Variants in FBXO24 observed in about 807,000 individuals in gnomAD.
FBXO24 encodes the protein F-box only protein 24.
A neutral mutation model predicts 63.5 loss-of-function variants in FBXO24; 30 were observed. The observed-to-expected ratio is 0.47, with a 90% confidence interval of 0.35 to 0.64. The LOEUF is 0.64. FBXO24 is among the 30% of genes least tolerant of loss of function. The pLI is 0.00. For missense variants in FBXO24, 624 were observed against 763.4 expected (o/e 0.82, Z 2.15); for synonymous variants, 300 against 305.0 (o/e 0.98, Z 0.17).
intron 3 of FBXO24, 88 bp downstream of exon 3, chr7:100,590,445 C>A: frequency 7.4e-7 from 1 of 1,359,902 alleles, no homozygotes; most frequent in Non-Finnish European, 1.0e-6. Flanking sequence ...GACCCCCACA[C>A]TCCCAACAGT....
intron 8 of FBXO24, among the ~76,000 whole-genome samples, chr7:100,598,473 C>T (rs1350593767): frequency 6.6e-6 from 1 of 152,000 alleles, no homozygotes; most frequent in Non-Finnish European, 1.5e-5. Flanking sequence ...GAGAGCATGT[C>T]AGTAATGTAA....
chr7:100,594,261 T>C lies in FBXO24; in HGVS notation c.794-122T>C. 1 of 1,113,330 alleles carries C rather than the reference T, an allele frequency of 9.0e-7. No individual in the cohort carries two copies. The highest frequency in any genetic ancestry group is 1.3e-6 in the Non-Finnish European group (1 of 794,962). 69.0% of individuals were successfully genotyped at this position (1,113,330 alleles called of 1,614,324 possible). A position where few individuals can be genotyped will look rare whatever the true frequency, so the allele number is the denominator to read the frequency against. ...GACTTGGGGTCACTCTTCCCTTATT[T>C]CTTTCTCAGCCCCACTCTAGGGCAG... On this transcript the variant is annotated intron_variant, in intron 5 of 9. Coordinates refer to ENST00000241071, the MANE Select transcript of FBXO24 (RefSeq NM_033506.3). This position sits in a 1 kb window ranked among gnomAD's most constrained non-coding sequence, Gnocchi z 4.2.
At position 100,600,419 on chromosome 7, in the gene FBXO24, G is replaced by A. The variant is rs867928450; in HGVS notation, c.1378-115G>A. On this transcript the variant is annotated intron_variant, in intron 9 of 9. Coordinates refer to ENST00000241071, the MANE Select transcript of FBXO24 (RefSeq NM_033506.3). This position sits in a 1 kb window ranked among gnomAD's most constrained non-coding sequence, Gnocchi z 6.3. The stretch of plus-strand genomic sequence containing the variant: ...CCTCACACACCCCTGGGACTTAGCC[G>A]GCTCAGGGCTGGTGTGAGAGGGAAG... 20 of 1,502,238 alleles carry A rather than the reference G, an allele frequency of 1.3e-5. No homozygotes were observed. The Admixed American group carries it at 2.5e-4, about 19-fold the overall frequency. The allele number at this position is 1,502,238 out of a possible 1,614,324, so 93.1% of individuals were successfully genotyped here.
chr7:100,600,624 C>G lies in FBXO24; in HGVS notation c.1468C>G (p.His490Asp), dbSNP rs758554677. 1.2e-6 allele frequency: 2 copies of G among 1,613,742 alleles called. No individual in the cohort carries two copies. Among genetic ancestry groups the G allele is most frequent in the Non-Finnish European group, 1.7e-6 (2 of 1,179,770 alleles). ...HDIEQHAPYR[H>D]LPASRVVGTP... is the part of the protein sequence containing the mutation. ...CATTGAGCAGCACGCCCCCTATCGC[C>G]ACCTGCCAGCCAGCAGGGTGGTGGG... is the stretch of plus-strand genomic sequence containing the variant. The change falls in exon 10 of 10, where the codon CAC becomes GAC. Residue 490 changes from histidine (H) to aspartate (D), a missense_variant. By Grantham distance (81) the His-to-Asp change is moderately conservative (BLOSUM62 -1). Transcript: ENST00000241071. The surrounding 1 kb of genome is among the most constrained non-coding windows in gnomAD (Gnocchi z 6.3).
chr7:100,598,150 G>C (rs1802403314), intron 8 of FBXO24, among the ~76,000 whole-genome samples: 1 of 152,088 alleles, frequency 6.6e-6, no homozygotes, highest in South Asian at 2.1e-4. Context: ...GCTGCAGTGA[G>C]CTGTGATCAC....
At chr7:100,595,910 G>A (rs764784906) in intron 8 of FBXO24, among the ~76,000 whole-genome samples, 27 of 152,190 alleles carry the variant, frequency 1.8e-4, no homozygotes, top group Non-Finnish European at 3.7e-4. Context: ...AGTGCACACT[G>A]TAAATGCAAT....
chr7:100,593,025 C>T lies in FBXO24; in HGVS notation c.793+8C>T, dbSNP rs1465511872. 1.2e-6 allele frequency: 2 copies of T among 1,611,220 alleles called. No homozygotes were observed. Among genetic ancestry groups the T allele is most frequent in the Non-Finnish European group, 8.5e-7 (1 of 1,177,682 alleles). On this transcript the variant is annotated splice_region_variant and intron_variant, in intron 5 of 9. Transcript: ENST00000241071. Reference sequence around the variant, plus strand: ...CTCTACTGCTCCTCACAGGTGTGGCCCAAAGCAATGGCTTTTGCAAACTGT... The same window carrying T: ...CTCTACTGCTCCTCACAGGTGTGGCTCAAAGCAATGGCTTTTGCAAACTGT...
chr7:100,595,263 G>A (rs369493377), intron 7 of FBXO24, 40 bp downstream of exon 7: 41 of 1,613,548 alleles, frequency 2.5e-5, no homozygotes, highest in African/African-American at 5.3e-5. Context: ...GAGGGGTGGC[G>A]CTGTAGGGAT....
At position 100,601,037 on chromosome 7, in the gene FBXO24, C is replaced by CA; in HGVS notation, c.*139dup. ...GACGGCTAACCAGGGTAAGAATGTT[C>CA]AGGGGGCTGCCCAGGAGGGGCCCCC... is the stretch of plus-strand genomic sequence containing the variant. On this transcript the variant is annotated 3_prime_UTR_variant, in exon 10 of 10. Transcript: ENST00000241071. 7.7e-7 allele frequency: 1 copy of CA among 1,300,512 alleles called. No individual in the cohort carries two copies. Among genetic ancestry groups the CA allele is most frequent in the Non-Finnish European group, 1.0e-6 (1 of 968,652 alleles). 80.6% of individuals were successfully genotyped at this position (1,300,512 alleles called of 1,614,324 possible). A position where few individuals can be genotyped will look rare whatever the true frequency, so the allele number is the denominator to read the frequency against.
chr7:100,594,535 G>A lies in FBXO24; in HGVS notation c.946G>A (p.Val316Ile), dbSNP rs140728414. Residue 316 changes from valine (V) to isoleucine (I), a missense_variant, in exon 6 of 10, where the codon GTC becomes ATC. Val to Ile is a conservative substitution (Grantham distance 29). Transcript: ENST00000241071. The surrounding 1 kb of genome is among the most constrained non-coding windows in gnomAD (Gnocchi z 4.2). ...MTSNQSSTLY[V>I]TDQGGVYFEV... ...TTCCAACCAGAGCAGCACCCTCTACGTCACAGGTATGGACCACCTCCCCCC... is the reference window on the plus strand; with the variant it reads ...TTCCAACCAGAGCAGCACCCTCTACATCACAGGTATGGACCACCTCCCCCC... 3.9e-5 allele frequency: 62 copies of A among 1,597,272 alleles called. No individual in the cohort carries two copies. The highest frequency in any genetic ancestry group is 1.8e-4 in the Middle Eastern group (1 of 5,504).
chr7:100,589,485 GCTGT>G (rs2131259739), intron 1 of FBXO24: 1 of 1,286,004 alleles, frequency 7.8e-7, no homozygotes, highest in Non-Finnish European at 9.9e-7. Context: ...GAACCCAGGA[GCTGT>G]CTAAGAGATG....
At chr7:100,593,807 A>G (rs955399113) in intron 5 of FBXO24, among the ~76,000 whole-genome samples, 1 of 151,390 alleles carries the variant, frequency 6.6e-6, no homozygotes, top group Non-Finnish European at 1.5e-5. Context: ...CAAAAAAAAA[A>G]AAAAAAAAAA....
Position 100,594,651 on chromosome 7 carries a change from A to C in FBXO24, c.952+110A>C, listed in dbSNP as rs552548673. 2.0e-4 allele frequency: 252 copies of C among 1,255,328 alleles called. No homozygotes were observed. Among genetic ancestry groups the C allele is most frequent in the Non-Finnish European group, 2.5e-4 (238 of 950,888 alleles). 77.8% of individuals were successfully genotyped at this position (1,255,328 alleles called of 1,614,324 possible). ...CATGGTGAACCCCTGAGGGCATCCTAGTGAAAAGATGTGTTTAGGGCCGGC... is the reference window on the plus strand; with the variant it reads ...CATGGTGAACCCCTGAGGGCATCCTCGTGAAAAGATGTGTTTAGGGCCGGC... On this transcript the variant is annotated intron_variant, in intron 6 of 9. Transcript: ENST00000241071. The surrounding 1 kb of genome is among the most constrained non-coding windows in gnomAD (Gnocchi z 4.2).
Position 100,594,258 on chromosome 7 carries a change from A to T in FBXO24, c.794-125A>T. 3 of 1,069,444 alleles carry T rather than the reference A, an allele frequency of 2.8e-6. No individual in the cohort carries two copies. The highest frequency in any genetic ancestry group is 4.0e-6 in the Non-Finnish European group (3 of 757,538). The allele number at this position is 1,069,444 out of a possible 1,614,324, so 66.2% of individuals were successfully genotyped here. A position where few individuals can be genotyped will look rare whatever the true frequency, so the allele number is the denominator to read the frequency against. On this transcript the variant is annotated intron_variant, in intron 5 of 9. Coordinates refer to ENST00000241071, the MANE Select transcript of FBXO24 (RefSeq NM_033506.3). This position sits in a 1 kb window ranked among gnomAD's most constrained non-coding sequence, Gnocchi z 4.2. Reference sequence around the variant, plus strand: ...GGGGACTTGGGGTCACTCTTCCCTTATTTCTTTCTCAGCCCCACTCTAGGG... The same window carrying T: ...GGGGACTTGGGGTCACTCTTCCCTTTTTTCTTTCTCAGCCCCACTCTAGGG...
chr7:100,598,833 G>T (rs1802438717), intron 8 of FBXO24, among the ~76,000 whole-genome samples: 1 of 151,910 alleles, frequency 6.6e-6, no homozygotes, highest in Admixed American at 6.6e-5. Flanking sequence ...AAAGAAATTA[G>T]CCAGGTGTGG....
chr7:100,595,280 G>A, intron 7 of FBXO24, 57 bp downstream of exon 7: 1 of 1,612,656 alleles, frequency 6.2e-7, no homozygotes, highest in South Asian at 1.1e-5. Flanking sequence ...GGATTGGAAG[G>A]TCTGAAGTAT....
chr7:100,591,913 G>T lies in FBXO24; in HGVS notation c.558+11G>T. The T allele has an allele frequency of 6.2e-7, 1 of 1,613,420 alleles. No individual in the cohort carries two copies. Among genetic ancestry groups the T allele is most frequent in the South Asian group, 1.1e-5 (1 of 91,042 alleles). On this transcript the variant is annotated intron_variant, in intron 4 of 9. Coordinates refer to ENST00000241071, the MANE Select transcript of FBXO24 (RefSeq NM_033506.3). ...CGTGGAGCCAAGGATGTGAGTAGCA[G>T]AACCCTGGCAGCTGAGAGCCCACCT... is the stretch of plus-strand genomic sequence containing the variant.
chr7:100,595,151 T>G lies in FBXO24; in HGVS notation c.1002T>G (p.Asp334Glu). Residue 334 changes from aspartate (D) to glutamate (E), a missense_variant, in exon 7 of 10, where the codon GAT (aspartate) becomes GAG (glutamate). Around this residue, in one of 3 missense-constraint regions of FBXO24, gnomAD observed 391 missense variants for 469.1 expected, o/e 0.83. Coordinates refer to ENST00000241071, the MANE Select transcript of FBXO24 (RefSeq NM_033506.3). ...FEVHTPGVYR[D>E]LFGTLQAFDP... ...TGCATACCCCAGGGGTGTATCGCGA[T>G]CTCTTTGGGACCCTTCAAGCCTTTG... is the stretch of plus-strand genomic sequence containing the variant. The G allele has an allele frequency of 6.2e-7, 1 of 1,614,020 alleles. No individual in the cohort carries two copies. Among genetic ancestry groups the G allele is most frequent in the Non-Finnish European group, 8.5e-7 (1 of 1,179,974 alleles).
intron 1 of FBXO24, 78 bp downstream of exon 1, chr7:100,586,742 A>C (rs1273753933): frequency 6.6e-7 from 1 of 1,517,970 alleles, no homozygotes; most frequent in Non-Finnish European, 9.1e-7. Context: ...TCGCCGCTGC[A>C]GTGGCGAGTG....
Sources: allele counts gnomAD v4.1 joint callset (sites outside exome capture counted in the v4.1 genomes callset), GRCh38; gene constraint gnomAD v4.1.1; regional missense constraint gnomAD v4.1.1; non-coding constraint Gnocchi (gnomAD v3.1); transcripts MANE v1.5; gene names NCBI Gene and HGNC (gene_info 2026-07-23, HGNC 2026-07-21).